Variants in DCAF8L2 observed in about 807,000 individuals in gnomAD.
The protein encoded by DCAF8L2 is DDB1- and CUL4-associated factor 8-like protein 2.
For missense variants in DCAF8L2, 430 were observed against 490.7 expected, an observed-to-expected ratio of 0.88 and a Z score of 1.17; for synonymous variants, 200 against 190.9, an observed-to-expected ratio of 1.05 and a Z score of -0.39.
the DCAF8L2 span, among the ~76,000 whole-genome samples, chrX:27,502,327 AAAAAAAAAATATATATATATATAT>A: frequency 3.0e-5 from 1 of 32,989 alleles, no homozygotes; most frequent in Admixed American, 4.7e-4. Context: ...TAAAAAAAAA[AAAAAAAAAATATATATATATATAT>A]ATATATATAT....
intron 2 of DCAF8L2, among the ~76,000 whole-genome samples, chrX:27,658,100 T>C (rs1338452159): frequency 8.9e-6 from 1 of 112,721 alleles, no homozygotes; most frequent in Non-Finnish European, 1.9e-5. Context: ...ATTTTCTTTT[T>C]TCTGAAACAT....
At chrX:27,576,118 A>T in the DCAF8L2 span, among the ~76,000 whole-genome samples, 1 of 112,578 alleles carries the variant, frequency 8.9e-6, no homozygotes, top group Non-Finnish European at 1.9e-5. Flanking sequence ...TAGTAATTTG[A>T]TTACCCATTA....
At chrX:27,527,103 G>A in the DCAF8L2 span, among the ~76,000 whole-genome samples, 1 of 112,392 alleles carries the variant, frequency 8.9e-6, no homozygotes, top group Admixed American at 9.4e-5. Context: ...CTTTTGTTCA[G>A]CTATGGCCTG....
At chrX:27,704,191 T>TATACACACAC (rs1239897616) in intron 3 of DCAF8L2, among the ~76,000 whole-genome samples, 3 of 63,522 alleles carry the variant, frequency 4.7e-5, no homozygotes, top group Non-Finnish European at 7.0e-5. Flanking sequence ...CACACACACA[T>TATACACACAC]ATGTATATAC....
chrX:27,534,487 G>C, the DCAF8L2 span, among the ~76,000 whole-genome samples: 1 of 112,022 alleles, frequency 8.9e-6, no homozygotes, highest in Non-Finnish European at 1.9e-5. Context: ...GGTAAAGGTG[G>C]TTTGGGTAAC....
chrX:27,602,362 G>A (rs1473090364), intron 1 of DCAF8L2, among the ~76,000 whole-genome samples: 1 of 111,700 alleles, frequency 9.0e-6, no homozygotes, highest in African/African-American at 3.3e-5. Context: ...AGTGTTGAAA[G>A]CTCTTTGGTT....
the DCAF8L2 span, among the ~76,000 whole-genome samples, chrX:27,471,468 C>T: frequency 4.5e-5 from 5 of 111,296 alleles, no homozygotes; most frequent in African/African-American, 9.8e-5. Context: ...CCTTTCTTCC[C>T]GCACTTTGTT....
intron 1 of DCAF8L2, among the ~76,000 whole-genome samples, chrX:27,615,541 A>ATCTG (rs1555919252): frequency 2.6e-4 from 28 of 107,678 alleles, no homozygotes; most frequent in African/African-American, 9.6e-4. Flanking sequence ...CTATCTATCT[A>ATCTG]TCTATCTATC....
chrX:27,745,646 T>C (rs781763463), intron 4 of DCAF8L2, among the ~76,000 whole-genome samples: 1 of 112,320 alleles, frequency 8.9e-6, no homozygotes, highest in Non-Finnish European at 1.9e-5. Context: ...CTATTTTTAA[T>C]CAATTTTGCA....
intron 3 of DCAF8L2, among the ~76,000 whole-genome samples, chrX:27,711,866 AATTT>A (rs1193168586): frequency 1.8e-5 from 2 of 110,749 alleles, no homozygotes; most frequent in African/African-American, 6.6e-5. Context: ...CTATGAATTC[AATTT>A]ATTTAATATA....
At chrX:27,474,421 A>G in the DCAF8L2 span, among the ~76,000 whole-genome samples, 1 of 111,426 alleles carries the variant, frequency 9.0e-6, no homozygotes. Flanking sequence ...AGAGGATGCA[A>G]GCTTGGTGGT....
chrX:27,486,288 G>A, the DCAF8L2 span, among the ~76,000 whole-genome samples: 1 of 110,376 alleles, frequency 9.1e-6, no homozygotes, highest in Non-Finnish European at 1.9e-5. Context: ...TTACAGGCAT[G>A]AGCCACTGCA....
At chrX:27,619,148 A>G (rs775800506) in intron 1 of DCAF8L2, among the ~76,000 whole-genome samples, 13 of 111,126 alleles carry the variant, frequency 1.2e-4, no homozygotes, top group Admixed American at 1.9e-4. Context: ...AAACAATTTT[A>G]GGTGTGGTTT....
At chrX:27,537,641 G>A in the DCAF8L2 span, among the ~76,000 whole-genome samples, 49,540 of 111,140 alleles carry the variant, frequency 0.45, 9,208 homozygotes, top group South Asian at 0.69. Context: ...ACTGATGAAG[G>A]AACATGACAG....
the DCAF8L2 span, among the ~76,000 whole-genome samples, chrX:27,545,544 G>A: frequency 9.0e-6 from 1 of 111,390 alleles, no homozygotes; most frequent in African/African-American, 3.3e-5. Context: ...TCCCTATGCT[G>A]GGGGAGGAAC....
At chrX:27,545,190 G>T in the DCAF8L2 span, among the ~76,000 whole-genome samples, 1 of 111,269 alleles carries the variant, frequency 9.0e-6, no homozygotes, top group Non-Finnish European at 1.9e-5. Flanking sequence ...CAGACTGGGG[G>T]TGAGGATGGT....
At chrX:27,543,491 G>T in the DCAF8L2 span, among the ~76,000 whole-genome samples, 2 of 111,056 alleles carry the variant, frequency 1.8e-5, no homozygotes. Context: ...TTTTAGAACA[G>T]TTTTTTTCTA....
At chrX:27,669,451 T>A (rs1003215568) in intron 2 of DCAF8L2, among the ~76,000 whole-genome samples, 3 of 106,301 alleles carry the variant, frequency 2.8e-5, no homozygotes, top group African/African-American at 1.1e-4. Context: ...ATTTCTTATT[T>A]ATTCATTTAT....
At chrX:27,641,511 A>G (rs1928723339) in intron 2 of DCAF8L2, among the ~76,000 whole-genome samples, 1 of 89,433 alleles carries the variant, frequency 1.1e-5, no homozygotes, top group African/African-American at 4.3e-5. Flanking sequence ...TTGCTCTTGT[A>G]GCCCAGGCTG....
Sources: gnomAD v4.1 joint callset for allele counts (sites outside exome capture counted in the v4.1 genomes callset) on GRCh38, gnomAD v4.1.1 for gene constraint, MANE v1.5 for transcripts, NCBI Gene and HGNC (gene_info 2026-07-23, HGNC 2026-07-21) for gene names.